RSPO3: variants seen among roughly 807,000 people sequenced by gnomAD.
The protein encoded by RSPO3 is R-spondin 3, also known as R-spondin-3.
RSPO3 carries 17 observed loss-of-function variants against 36.5 expected under a neutral mutation model. The ratio of observed to expected loss-of-function variants is 0.47; its 90% CI spans 0.32 to 0.70. The LOEUF is 0.70. Ranked by LOEUF, RSPO3 falls within the 30% of genes least tolerant of loss-of-function variation. The pLI, the probability that RSPO3 is intolerant of heterozygous loss-of-function variation, is 0.04. For synonymous variants in RSPO3, 108 were observed against 107.0 expected (o/e 1.01, Z -0.06); for missense variants, 294 against 322.5 (o/e 0.91, Z 0.68).
rs746698827 is a variant in RSPO3, at chr6:127,195,897, A to T, written c.709A>T (p.Ser237Cys). ...ESKEAIPDSK[S>C]LESSKEIPEQ... ...TAAAGAAGCAATACCTGACAGCAAAAGTCTGGAATCCAGCAAAGAAATCCC... is the reference window on the plus strand; with the variant it reads ...TAAAGAAGCAATACCTGACAGCAAATGTCTGGAATCCAGCAAAGAAATCCC... Residue 237 changes from serine (S) to cysteine (C), a missense_variant, in exon 5 of 5, where the codon AGT becomes TGT. Physicochemically the swap from Ser to Cys is moderately radical, Grantham distance 112 (BLOSUM62 -1). Around this residue, in one of 3 missense-constraint regions of RSPO3, gnomAD observed 190 missense variants for 185.2 expected, o/e 1.03. Transcript: ENST00000356698. 2 of 1,613,032 alleles carry T rather than the reference A, an allele frequency of 1.2e-6. No individual in the cohort carries two copies. Among genetic ancestry groups the T allele is most frequent in the Non-Finnish European group, 1.7e-6 (2 of 1,179,340 alleles).
intron 4 of RSPO3, among the ~76,000 whole-genome samples, chr6:127,164,990 T>C (rs780731062): frequency 2.0e-5 from 3 of 152,114 alleles, no homozygotes; most frequent in Non-Finnish European, 4.4e-5. Flanking sequence ...CATGTACATC[T>C]GTAAGTGAGA....
rs569345336 is a variant in RSPO3, at chr6:127,185,823, T to C, written c.635-10000T>C. On this transcript the variant is annotated intron_variant, in intron 4 of 4. Transcript: ENST00000356698. ...AGAGTAGAATACTATCAAGATTTCT[T>C]GTATAATCAATCACAGCAAACATGT... Among the ~76,000 whole-genome samples, 28 of 152,210 alleles carry C rather than the reference T, an allele frequency of 1.8e-4. 1 individual carries two copies. The highest frequency in any genetic ancestry group is 5.8e-4 in the African/African-American group (24 of 41,554).
At chr6:127,168,156 T>C (rs1013703590) in intron 4 of RSPO3, among the ~76,000 whole-genome samples, 1 of 152,170 alleles carries the variant, frequency 6.6e-6, no homozygotes, top group South Asian at 2.1e-4. Context: ...TTTCTAGTTC[T>C]AGATCCTTGA....
At chr6:127,180,711 G>C (rs1044789443) in intron 4 of RSPO3, among the ~76,000 whole-genome samples, 1 of 151,614 alleles carries the variant, frequency 6.6e-6, no homozygotes, top group Non-Finnish European at 1.5e-5. Flanking sequence ...ACCAGATTAA[G>C]GCTGTTCTAT....
At position 127,150,421 on chromosome 6, in the gene RSPO3, T is replaced by C. The variant is rs1373461987; in HGVS notation, c.290-5T>C. ...AAGCATATTTCTTTCTTTTTTCTCT[T>C]TCAGAATGCAAAGCTGACTGTGATA... On this transcript the variant is annotated splice_region_variant and splice_polypyrimidine_tract_variant and intron_variant, in intron 2 of 4. Coordinates refer to ENST00000356698, the MANE Select transcript of RSPO3 (RefSeq NM_032784.5). 3 of 1,609,118 alleles carry C rather than the reference T, an allele frequency of 1.9e-6. No homozygotes were observed. In the African/African-American group the frequency reaches 4.0e-5, roughly 22 times the overall value.
At chr6:127,179,186 C>CTCA (rs1433052839) in intron 4 of RSPO3, among the ~76,000 whole-genome samples, 1 of 151,774 alleles carries the variant, frequency 6.6e-6, no homozygotes, top group Admixed American at 6.6e-5. Context: ...TAATACCTTT[C>CTCA]TCATAATTCA....
At chr6:127,147,305 G>T (rs1774404276) in intron 1 of RSPO3, among the ~76,000 whole-genome samples, 1 of 152,102 alleles carries the variant, frequency 6.6e-6, no homozygotes, top group Admixed American at 6.6e-5. Flanking sequence ...TTGTGGTAAA[G>T]AACTTAGTAA....
intron 1 of RSPO3, among the ~76,000 whole-genome samples, chr6:127,132,035 C>A (rs566763855): frequency 6.6e-6 from 1 of 152,230 alleles, no homozygotes; most frequent in Admixed American, 6.5e-5. Context: ...ACAAACCCTT[C>A]ATATTCTAGC....
intron 1 of RSPO3, among the ~76,000 whole-genome samples, chr6:127,138,561 T>C (rs1774207135): frequency 6.6e-6 from 1 of 152,130 alleles, no homozygotes; most frequent in Non-Finnish European, 1.5e-5. Context: ...CCTCTTGAGT[T>C]AAACAAAGTG....
chr6:127,144,709 G>A (rs532561982), intron 1 of RSPO3, among the ~76,000 whole-genome samples: 83 of 139,276 alleles, frequency 6.0e-4, no homozygotes, highest in African/African-American at 2.2e-3. Flanking sequence ...TGCAATCTGC[G>A]CTCACTTTAA....
chr6:127,118,774 AG>A lies in RSPO3; in HGVS notation c.-415del. The A allele has an allele frequency of 6.5e-6, 1 of 154,114 alleles. No homozygotes were observed. Among genetic ancestry groups the A allele is most frequent in the Non-Finnish European group, 1.4e-5 (1 of 69,504 alleles). 9.5% of individuals were successfully genotyped at this position (154,114 alleles called of 1,614,324 possible). A position where few individuals can be genotyped will look rare whatever the true frequency, so the allele number is the denominator to read the frequency against. Reference sequence around the variant, plus strand: ...GACGGCGCCCGCTCCCCTGCGCTCCAGGGGCCCCCGCCGCTGCAGCCGCAGC... The same window carrying A: ...GACGGCGCCCGCTCCCCTGCGCTCCAGGGCCCCCGCCGCTGCAGCCGCAGC... On this transcript the variant is annotated 5_prime_UTR_variant, in exon 1 of 5. An upstream open reading frame in the 5' UTR loses its in-frame stop. Transcript: ENST00000356698.
chr6:127,156,492 T>G (rs1774600129), intron 4 of RSPO3, among the ~76,000 whole-genome samples: 1 of 152,186 alleles, frequency 6.6e-6, no homozygotes, highest in Admixed American at 6.5e-5. Flanking sequence ...ATCTGGTGAG[T>G]CTATAAATGA....
At chr6:127,167,184 A>G (rs1774837792) in intron 4 of RSPO3, among the ~76,000 whole-genome samples, 2 of 151,868 alleles carry the variant, frequency 1.3e-5, no homozygotes, top group South Asian at 4.1e-4. Context: ...GGTTTGTTAC[A>G]TAGGTAAACA....
chr6:127,155,424 A>G lies in RSPO3; in HGVS notation c.620A>G (p.Gln207Arg). Reference protein sequence around the residue: ...RKCTVQRKKCQKGERGKKGRE... With the variant: ...RKCTVQRKKCRKGERGKKGRE... ...TGTACAGTGCAAAGGAAGAAGTGTC[A>G]GAAGGGAGAACGAGGTACAATCATA... The change falls in exon 4 of 5, where the codon CAG (glutamine) becomes CGG (arginine). Residue 207 changes from glutamine to arginine, a missense_variant. By Grantham distance (43) the Gln-to-Arg change is conservative (BLOSUM62 1). Coordinates refer to ENST00000356698, the MANE Select transcript of RSPO3 (RefSeq NM_032784.5). 1 of 1,613,468 alleles carries G rather than the reference A, an allele frequency of 6.2e-7. No homozygotes were observed. The highest frequency in any genetic ancestry group is 8.5e-7 in the Non-Finnish European group (1 of 1,179,650).
chr6:127,178,478 A>G (rs1374726988), intron 4 of RSPO3, among the ~76,000 whole-genome samples: 2 of 151,812 alleles, frequency 1.3e-5, no homozygotes, highest in African/African-American at 4.8e-5. Context: ...ATGCTCAGTA[A>G]TAAGTCAGAA....
rs954785358 is a variant in RSPO3 at position 127,155,570 on chromosome 6, T to C, written c.634+132T>C. ...CTAAAATGTGTACCAAGCAAGAATA[T>C]GCTGCTTGTAAATTACAGAATATAG... On this transcript the variant is annotated intron_variant, in intron 4 of 4. Transcript: ENST00000356698. The C allele has an allele frequency of 6.8e-6, 6 of 876,260 alleles. No homozygotes were observed. In the Admixed American group the frequency reaches 1.2e-4, roughly 17 times the overall value. The allele number at this position is 876,260 out of a possible 1,614,324, so 54.3% of individuals were successfully genotyped here. A position where few individuals can be genotyped will look rare whatever the true frequency, so the allele number is the denominator to read the frequency against.
At chr6:127,119,353 C>A in intron 1 of RSPO3, 64 bp downstream of exon 1, 4 of 1,224,210 alleles carry the variant, frequency 3.3e-6, no homozygotes, top group Non-Finnish European at 4.8e-6. Context: ...GGTCGCTTTG[C>A]CTGTCCGGAG....
At chr6:127,173,681 G>A (rs1324545621) in intron 4 of RSPO3, among the ~76,000 whole-genome samples, 3 of 151,876 alleles carry the variant, frequency 2.0e-5, no homozygotes, top group Non-Finnish European at 4.4e-5. Context: ...TCAGCCTGAA[G>A]CAAGCTGTAA....
At chr6:127,133,993 C>T (rs7766106) in intron 1 of RSPO3, among the ~76,000 whole-genome samples, 67,068 of 151,858 alleles carry the variant, frequency 0.44, 14,935 homozygotes, top group East Asian at 0.53. Flanking sequence ...ATTTCTAAGC[C>T]GAATAGTACC....
Sources: gnomAD v4.1 joint callset for allele counts (sites outside exome capture counted in the v4.1 genomes callset) on GRCh38, gnomAD v4.1.1 for gene constraint, gnomAD v4.1.1 regional missense constraint, MANE v1.5 for transcripts, NCBI Gene and HGNC (gene_info 2026-07-23, HGNC 2026-07-21) for gene names.